The following SAE1 variants were observed in gnomAD, a reference collection of about 807,000 sequenced individuals.
The protein encoded by SAE1 is SUMO-activating enzyme subunit 1.
SAE1 carries 11 observed loss-of-function variants against 40.6 expected under a neutral mutation model. The ratio of observed to expected loss-of-function variants is 0.27; its 90% confidence interval spans 0.17 to 0.45. The LOEUF (loss-of-function observed/expected upper bound fraction) is 0.45, where lower values mean the gene tolerates loss of function less well. Among genes scored for constraint, SAE1 ranks in the 20% least tolerant of loss-of-function variants. The pLI is 1.00. For synonymous variants in SAE1, 155 were observed against 154.3 expected (o/e 1.00, Z -0.03); for missense variants, 373 against 427.3 (o/e 0.87, Z 1.12).
At chr19:47,170,991 T>A (rs1385945298) in intron 6 of SAE1, among the ~76,000 whole-genome samples, 1 of 152,152 alleles carries the variant, frequency 6.6e-6, no homozygotes, top group Non-Finnish European at 1.5e-5. Flanking sequence ...TTTGTTTGTT[T>A]TTGAGATGGA....
At chr19:47,199,826 A>C (rs1287875497) in intron 7 of SAE1, among the ~76,000 whole-genome samples, 1 of 152,028 alleles carries the variant, frequency 6.6e-6, no homozygotes, top group African/African-American at 2.4e-5. Flanking sequence ...TGAGTGCCCC[A>C]GTGAGTTACC....
rs372113235 is a variant in SAE1, at chr19:47,161,823, C to T, written c.627+6610C>T. Among the ~76,000 whole-genome samples the T allele has an allele frequency of 3.9e-5, 6 of 152,270 alleles. No individual in the cohort carries two copies. In the East Asian group the frequency reaches 9.7e-4, roughly 24 times the overall value. On this transcript the variant is annotated intron_variant, in intron 5 of 8. Coordinates refer to ENST00000270225, the MANE Select transcript of SAE1 (RefSeq NM_005500.3). The stretch of plus-strand genomic sequence containing the variant: ...TATTTCCAAGCAACACATAGAATTG[C>T]TTTGCATGCTTTTTATCTTCTTAAA...
chr19:47,160,391 T>C (rs1442435232), intron 5 of SAE1, among the ~76,000 whole-genome samples: 1 of 131,518 alleles, frequency 7.6e-6, no homozygotes, highest in Non-Finnish European at 1.6e-5. Context: ...CCAGCTAATT[T>C]TTTTTTTTTT....
chr19:47,143,862 T>C (rs2058238213), intron 2 of SAE1, among the ~76,000 whole-genome samples: 1 of 152,152 alleles, frequency 6.6e-6, no homozygotes, highest in Admixed American at 6.6e-5. Flanking sequence ...TAGTAATATC[T>C]CCCTTGGTGG....
intron 2 of SAE1, among the ~76,000 whole-genome samples, chr19:47,149,281 C>T (rs1341517464): frequency 2.0e-5 from 3 of 151,322 alleles, no homozygotes; most frequent in Non-Finnish European, 2.9e-5. Flanking sequence ...AGTGATTCTC[C>T]TGCCTCAGCC....
intron 5 of SAE1, among the ~76,000 whole-genome samples, chr19:47,163,339 CTT>C (rs371194046): frequency 1.3e-5 from 2 of 152,074 alleles, no homozygotes; most frequent in Middle Eastern, 3.4e-3. Context: ...CATGTACAGA[CTT>C]TTTTTCTTGT....
chr19:47,182,494 T>C (rs554361176), intron 6 of SAE1, among the ~76,000 whole-genome samples: 4,178 of 137,382 alleles, frequency 0.03, 180 homozygotes, highest in African/African-American at 0.11. Flanking sequence ...TGTGTGTGTG[T>C]GTGCGCGCAC....
chr19:47,137,465 A>G (rs1234676300), intron 1 of SAE1, among the ~76,000 whole-genome samples: 1 of 152,116 alleles, frequency 6.6e-6, no homozygotes, highest in East Asian at 1.9e-4. Flanking sequence ...ATTGAGGCCA[A>G]GTTTCTGGAG....
intron 6 of SAE1, among the ~76,000 whole-genome samples, chr19:47,192,926 C>T (rs757176164): frequency 6.6e-6 from 1 of 152,112 alleles, no homozygotes. Flanking sequence ...CTCTACCCTG[C>T]CCCAAAATGG....
chr19:47,161,903 G>A (rs2058361807), intron 5 of SAE1, among the ~76,000 whole-genome samples: 1 of 152,184 alleles, frequency 6.6e-6, no homozygotes, highest in African/African-American at 2.4e-5. Context: ...GAAGCAACAC[G>A]TTTGTGAGGC....
intron 2 of SAE1, among the ~76,000 whole-genome samples, chr19:47,145,730 T>C (rs993787850): frequency 2.0e-5 from 3 of 152,106 alleles, no homozygotes; most frequent in Admixed American, 6.6e-5. Context: ...ACATAATTAC[T>C]TCATCTGGTT....
intron 5 of SAE1, among the ~76,000 whole-genome samples, chr19:47,165,195 T>A (rs1330751921): frequency 1.3e-5 from 2 of 149,260 alleles, no homozygotes; most frequent in Non-Finnish European, 3.0e-5. Flanking sequence ...GTTCAAGCGA[T>A]TCTCCTGTCT....
rs112999402 is a variant in SAE1, at chr19:47,184,753, T to A, written c.734-12480T>A. ...TTTACGTAGGAGAGCTCAGTCTGAA[T>A]GTAGGATATGACATGGTTGTGGGGT... On this transcript the variant is annotated intron_variant, in intron 6 of 8. Coordinates refer to ENST00000270225, the MANE Select transcript of SAE1 (RefSeq NM_005500.3). Among the ~76,000 whole-genome samples, 1,068 of 152,170 alleles carry A rather than the reference T, an allele frequency of 7.0e-3. 10 individuals carry two copies. Among genetic ancestry groups the A allele is most frequent in the African/African-American group, 0.025 (1,032 of 41,508 alleles).
At chr19:47,142,977 A>G (rs531765106) in intron 1 of SAE1, among the ~76,000 whole-genome samples, 39 of 152,300 alleles carry the variant, frequency 2.6e-4, no homozygotes, top group Non-Finnish European at 4.9e-4. Context: ...TTTCCACACC[A>G]TAGAAGGATG....
At chr19:47,155,349 C>G in intron 5 of SAE1, 136 bp downstream of exon 5, 2 of 552,912 alleles carry the variant, frequency 3.6e-6, no homozygotes, top group Non-Finnish European at 6.4e-6. Context: ...GGGAGGCTGC[C>G]ACAGCTTAGT....
chr19:47,139,264 C>T (rs1374663411), intron 1 of SAE1, among the ~76,000 whole-genome samples: 1 of 152,174 alleles, frequency 6.6e-6, no homozygotes, highest in Non-Finnish European at 1.5e-5. Flanking sequence ...CGATGGTCTC[C>T]ATCTCCTGAA....
At chr19:47,154,233 G>A (rs1042308013) in intron 4 of SAE1, among the ~76,000 whole-genome samples, 1 of 151,870 alleles carries the variant, frequency 6.6e-6, no homozygotes, top group Non-Finnish European at 1.5e-5. Flanking sequence ...TGGGACTGCA[G>A]GCACCCGCCA....
chr19:47,173,770 T>C (rs990628775), intron 6 of SAE1, among the ~76,000 whole-genome samples: 6 of 151,662 alleles, frequency 4.0e-5, no homozygotes, highest in African/African-American at 1.5e-4. Flanking sequence ...GTTGACTCCT[T>C]TCTTTTCTTT....
At chr19:47,134,149 C>A (rs1464455007) in intron 1 of SAE1, among the ~76,000 whole-genome samples, 2 of 152,078 alleles carry the variant, frequency 1.3e-5, no homozygotes, top group Non-Finnish European at 2.9e-5. Context: ...GTGTGAGCCA[C>A]CATGCCCGGC....
Sources: allele counts gnomAD v4.1 joint callset (sites outside exome capture counted in the v4.1 genomes callset), GRCh38; gene constraint gnomAD v4.1.1; transcripts MANE v1.5; gene names NCBI Gene and HGNC (gene_info 2026-07-23, HGNC 2026-07-21).